The following IGFL2 variants were observed in gnomAD, a reference collection of about 807,000 sequenced individuals.
The protein encoded by IGFL2 is insulin growth factor-like family member 2.
Under a neutral mutation model 13.9 loss-of-function variants are expected in IGFL2, and 7 were observed. The ratio of observed to expected loss-of-function variants is 0.51; its 90% CI spans 0.29 to 0.95. The LOEUF (loss-of-function observed/expected upper bound fraction) is 0.95, where lower values mean the gene tolerates loss of function less well. Among genes scored for constraint, IGFL2 ranks in the 40% least tolerant of loss-of-function variants. IGFL2 has a pLI of 0.08. For synonymous variants in IGFL2, 55 were observed against 55.8 expected (o/e 0.99, Z 0.07); for missense variants, 138 against 147.8 (o/e 0.93, Z 0.34).
At chr19:46,170,182 G>A in the IGFL2 span, among the ~76,000 whole-genome samples, 3 of 152,064 alleles carry the variant, frequency 2.0e-5, no homozygotes, top group South Asian at 4.2e-4. Context: ...TAAGAATCGG[G>A]CTCTCAAGCT....
chr19:46,176,451 G>T, the IGFL2 span, among the ~76,000 whole-genome samples: 2 of 152,130 alleles, frequency 1.3e-5, no homozygotes, highest in African/African-American at 4.8e-5. Context: ...CAGTGAGAGA[G>T]AAACCCGCAG....
the IGFL2 span, among the ~76,000 whole-genome samples, chr19:46,093,000 A>G: frequency 1.3e-5 from 2 of 152,208 alleles, no homozygotes; most frequent in South Asian, 2.1e-4. Flanking sequence ...TCAAAATGAT[A>G]AATAATTTTT....
chr19:46,083,579 C>T, the IGFL2 span, among the ~76,000 whole-genome samples: 4 of 152,070 alleles, frequency 2.6e-5, no homozygotes, highest in African/African-American at 7.2e-5. Context: ...TCTGAACATA[C>T]ACAACATTTT....
At chr19:46,169,550 TTGTA>T in the IGFL2 span, among the ~76,000 whole-genome samples, 1 of 152,150 alleles carries the variant, frequency 6.6e-6, no homozygotes, top group Non-Finnish European at 1.5e-5. Context: ...CTAGGAGTAA[TTGTA>T]TGAGAATATG....
At chr19:46,160,508 T>C in intron 2 of IGFL2, 40 bp downstream of exon 2, 1 of 1,613,182 alleles carries the variant, frequency 6.2e-7, no homozygotes, top group Non-Finnish European at 8.5e-7. Context: ...GGAAGGAGGC[T>C]GACTTTGGAA....
chr19:46,179,083 T>C, the IGFL2 span, among the ~76,000 whole-genome samples: 1 of 151,686 alleles, frequency 6.6e-6, no homozygotes, highest in Non-Finnish European at 1.5e-5. Context: ...GAGGCAGGGC[T>C]GCAGGGGTCC....
At chr19:46,205,313 AATAGGAAAAGGC>A in the IGFL2 span, among the ~76,000 whole-genome samples, 5 of 152,368 alleles carry the variant, frequency 3.3e-5, no homozygotes, top group Non-Finnish European at 4.4e-5. Flanking sequence ...CATTTGTGCC[AATAGGAAAAGGC>A]TACCTGGGAC....
At chr19:46,131,464 AT>A in the IGFL2 span, among the ~76,000 whole-genome samples, 1 of 152,172 alleles carries the variant, frequency 6.6e-6, no homozygotes, top group Non-Finnish European at 1.5e-5. Flanking sequence ...TTCAGATGAA[AT>A]TTTTTTGTAA....
chr19:46,083,896 G>T, the IGFL2 span, among the ~76,000 whole-genome samples: 1 of 152,190 alleles, frequency 6.6e-6, no homozygotes, highest in Non-Finnish European at 1.5e-5. Context: ...GGGTATTCTG[G>T]TGCTACCAGT....
the IGFL2 span, among the ~76,000 whole-genome samples, chr19:46,183,382 T>G: frequency 2.0e-5 from 3 of 151,942 alleles, no homozygotes; most frequent in African/African-American, 7.3e-5. Flanking sequence ...TCTCTCTCCC[T>G]CTTTCTCCAG....
At chr19:46,123,981 C>T in the IGFL2 span, 1 of 1,611,364 alleles carries the variant, frequency 6.2e-7, no homozygotes, top group African/African-American at 1.4e-5. Flanking sequence ...GGCCAAAAGA[C>T]TCGGGACAGC....
chr19:46,102,713 A>G, the IGFL2 span, among the ~76,000 whole-genome samples: 2 of 152,160 alleles, frequency 1.3e-5, no homozygotes, highest in Non-Finnish European at 2.9e-5. Flanking sequence ...TGTGCAGGTC[A>G]CAGGGGATAT....
the IGFL2 span, among the ~76,000 whole-genome samples, chr19:46,189,484 C>T: frequency 0.014 from 2,133 of 152,204 alleles, 56 homozygotes; most frequent in African/African-American, 0.047. Context: ...CTAACTCCCC[C>T]GGGGAAAGGG....
At chr19:46,139,242 T>C (rs573171756), upstream of IGFL2, among the ~76,000 whole-genome samples, 1 of 151,424 alleles carries the variant, frequency 6.6e-6, no homozygotes, top group African/African-American at 2.4e-5. Context: ...AAGATCTGCT[T>C]GGTGTATGCT....
the IGFL2 span, among the ~76,000 whole-genome samples, chr19:46,193,977 A>G: frequency 6.6e-6 from 1 of 152,184 alleles, no homozygotes; most frequent in African/African-American, 2.4e-5. Context: ...CTGGGAGCCT[A>G]GAAGTCCAGA....
intron 1 of IGFL2, chr19:46,149,151 CCTCTCTCTCTTCTCT>C (rs1555742897): frequency 5.3e-4 from 115 of 216,406 alleles, no homozygotes; most frequent in South Asian, 1.7e-3. Flanking sequence ...TCTCTCTCTC[CCTCTCTCTCTTCTCT>C]CTCTCTCTCT....
chr19:46,115,080 A>G, the IGFL2 span, among the ~76,000 whole-genome samples: 2 of 152,170 alleles, frequency 1.3e-5, no homozygotes, highest in African/African-American at 2.4e-5. Flanking sequence ...GCATGCTAAT[A>G]TTGAGGACCA....
At chr19:46,168,512 C>T in the IGFL2 span, among the ~76,000 whole-genome samples, 1 of 152,164 alleles carries the variant, frequency 6.6e-6, no homozygotes, top group Non-Finnish European at 1.5e-5. Context: ...CTTGCTATTG[C>T]CACAAGTAGC....
the IGFL2 span, among the ~76,000 whole-genome samples, chr19:46,083,189 C>G: frequency 0.013 from 2,050 of 152,282 alleles, 32 homozygotes; most frequent in Middle Eastern, 0.027. Flanking sequence ...ACTTCCAGGG[C>G]TGTTACTGAC....
Sources: gnomAD v4.1 joint callset for allele counts (sites outside exome capture counted in the v4.1 genomes callset) on GRCh38, gnomAD v4.1.1 for gene constraint, MANE v1.5 for transcripts, NCBI Gene and HGNC (gene_info 2026-07-23, HGNC 2026-07-21) for gene names.